Variants in RGS7 observed in about 807,000 individuals in gnomAD.
The protein encoded by RGS7 is regulator of G-protein signaling 7.
A neutral mutation model predicts 81.1 loss-of-function variants in RGS7; 27 were observed. The observed-to-expected ratio is 0.33, with a 90% CI of 0.25 to 0.46. The LOEUF (loss-of-function observed/expected upper bound fraction) is 0.46. Ranked by LOEUF, RGS7 falls within the 20% of genes least tolerant of loss-of-function variation. The pLI is 1.00. For missense variants in RGS7, 396 were observed against 607.4 expected (o/e 0.65, Z 3.66); for synonymous variants, 208 against 207.7 (o/e 1.00, Z -0.01).
chr1:240,856,642 C>A (rs1434450654), intron 9 of RGS7, among the ~76,000 whole-genome samples: 7 of 152,046 alleles, frequency 4.6e-5, no homozygotes, highest in Non-Finnish European at 1.0e-4. Flanking sequence ...AATTAATATA[C>A]AATCATGCCT....
chr1:240,942,187 C>T (rs1677699304), intron 4 of RGS7, among the ~76,000 whole-genome samples: 1 of 152,164 alleles, frequency 6.6e-6, no homozygotes, highest in Non-Finnish European at 1.5e-5. Context: ...GAATTCTCCA[C>T]AGCATAATTT....
intron 2 of RGS7, among the ~76,000 whole-genome samples, chr1:241,331,987 A>T (rs764552121): frequency 6.6e-6 from 1 of 152,226 alleles, no homozygotes; most frequent in Non-Finnish European, 1.5e-5. Context: ...CGAGTTTCCA[A>T]AATTGTACTT....
chr1:241,255,951 C>T lies in RGS7; in HGVS notation c.78+99748G>A, dbSNP rs140110210. 3.0e-3 allele frequency among the ~76,000 whole-genome samples: 456 copies of T among 152,156 alleles called. 3 individuals carry two copies. The highest frequency in any genetic ancestry group is 3.2e-3 in the Non-Finnish European group (220 of 68,002). On this transcript the variant is annotated intron_variant, in intron 2 of 18. Transcript: ENST00000440928. The stretch of plus-strand genomic sequence containing the variant: ...ATCTATGTTTCCGGAAATTTTGGGA[C>T]ACCAGCGGTAAAGAAAGAAATAAGA...
chr1:241,133,361 A>G (rs1370882926), intron 2 of RGS7, among the ~76,000 whole-genome samples: 2 of 151,882 alleles, frequency 1.3e-5, no homozygotes, highest in East Asian at 3.9e-4. Context: ...AATGGGATGT[A>G]TAAGTCTAAG....
At chr1:241,182,123 C>T (rs1349545943) in intron 2 of RGS7, among the ~76,000 whole-genome samples, 2 of 152,094 alleles carry the variant, frequency 1.3e-5, no homozygotes, top group African/African-American at 4.8e-5. Context: ...CTGTTGGTCC[C>T]GTGCTAATTC....
chr1:241,166,525 A>C (rs2070262163), intron 2 of RGS7, among the ~76,000 whole-genome samples: 1 of 152,218 alleles, frequency 6.6e-6, no homozygotes. Flanking sequence ...ACCAAGGCTG[A>C]GATAGGCAGG....
chr1:240,870,203 A>G (rs1433510083), intron 6 of RGS7, 84 bp from the exon 7 acceptor site: 1 of 1,186,516 alleles, frequency 8.4e-7, no homozygotes, highest in Non-Finnish European at 1.3e-6. Context: ...AATCAAGGGC[A>G]TTGCACTTTT....
Position 240,983,060 on chromosome 1 carries a change from G to A in RGS7, c.226+19C>T, listed in dbSNP as rs76920350. 6.9e-7 allele frequency: 1 copy of A among 1,444,904 alleles called. No individual in the cohort carries two copies. The highest frequency in any genetic ancestry group is 9.7e-7 in the Non-Finnish European group (1 of 1,029,444). 89.5% of individuals were successfully genotyped at this position (1,444,904 alleles called of 1,614,324 possible). On this transcript the variant is annotated intron_variant, in intron 4 of 18. Transcript: ENST00000440928. ...CCACTAAGAAAAAAGTTCTTGCAATGGGAAAATGATTTATTTACCTGGATC... is the reference window on the plus strand; with the variant it reads ...CCACTAAGAAAAAAGTTCTTGCAATAGGAAAATGATTTATTTACCTGGATC...
At chr1:240,807,158 G>A (rs183884435) in intron 14 of RGS7, among the ~76,000 whole-genome samples, 16 of 152,314 alleles carry the variant, frequency 1.1e-4, no homozygotes, top group African/African-American at 3.6e-4. Context: ...ATAATAGCAA[G>A]TGGTAAAGTC....
chr1:240,857,852 C>T (rs575112820), intron 9 of RGS7, among the ~76,000 whole-genome samples: 2 of 152,116 alleles, frequency 1.3e-5, no homozygotes, highest in African/African-American at 4.8e-5. Context: ...GGGGTGGTTA[C>T]CCCCACGTTG....
intron 6 of RGS7, among the ~76,000 whole-genome samples, chr1:240,892,083 C>T (rs998229686): frequency 2.2e-4 from 34 of 152,178 alleles, no homozygotes; most frequent in African/African-American, 8.2e-4. Flanking sequence ...ATTCCTCACA[C>T]TGCTTCCTTA....
intron 2 of RGS7, among the ~76,000 whole-genome samples, chr1:241,279,276 G>A (rs2078372622): frequency 1.3e-5 from 2 of 152,192 alleles, no homozygotes; most frequent in Non-Finnish European, 2.9e-5. Context: ...GACTCAGAAA[G>A]AGGGGCAGAG....
At chr1:241,231,350 A>G (rs2075652548) in intron 2 of RGS7, among the ~76,000 whole-genome samples, 1 of 152,220 alleles carries the variant, frequency 6.6e-6, no homozygotes, top group Admixed American at 6.5e-5. Context: ...TATTATAACA[A>G]TATCTTTATA....
At chr1:241,029,825 C>T (rs2148723165) in intron 3 of RGS7, among the ~76,000 whole-genome samples, 1 of 152,328 alleles carries the variant, frequency 6.6e-6, no homozygotes, top group South Asian at 2.1e-4. Flanking sequence ...TAAACAACAG[C>T]TGCCAAAAAG....
intron 9 of RGS7, among the ~76,000 whole-genome samples, chr1:240,831,971 G>T (rs1289825814): frequency 6.6e-6 from 1 of 152,022 alleles, no homozygotes; most frequent in Admixed American, 6.6e-5. Flanking sequence ...CAGTCTGTTG[G>T]TTCTCCTCAA....
intron 6 of RGS7, among the ~76,000 whole-genome samples, chr1:240,928,147 C>T (rs1477607190): frequency 1.3e-5 from 2 of 152,216 alleles, no homozygotes; most frequent in Admixed American, 1.3e-4. Flanking sequence ...CTCATTCCTT[C>T]CAGAGCAAAT....
At chr1:240,783,823 TAGAG>T (rs796143441) in intron 18 of RGS7, among the ~76,000 whole-genome samples, 3 of 151,776 alleles carry the variant, frequency 2.0e-5, no homozygotes, top group African/African-American at 7.3e-5. Context: ...ACAAAGGAAA[TAGAG>T]AGAAGCTATG....
intron 2 of RGS7, among the ~76,000 whole-genome samples, chr1:241,142,380 C>T (rs1276657549): frequency 6.6e-6 from 1 of 152,200 alleles, no homozygotes; most frequent in African/African-American, 2.4e-5. Flanking sequence ...CCATGAAAGC[C>T]CTGCCCCTGT....
chr1:241,147,783 TATATA>T (rs1558128689), intron 2 of RGS7, among the ~76,000 whole-genome samples: 47 of 90,532 alleles, frequency 5.2e-4, no homozygotes, highest in Non-Finnish European at 7.2e-4. Context: ...TTAAGTTTTA[TATATA>T]TATATATATA....
Sources: gnomAD v4.1 joint callset for allele counts (sites outside exome capture counted in the v4.1 genomes callset) on GRCh38, gnomAD v4.1.1 for gene constraint, MANE v1.5 for transcripts, NCBI Gene and HGNC (gene_info 2026-07-23, HGNC 2026-07-21) for gene names.